Variants in ASB9 observed in about 807,000 individuals in gnomAD.
ASB9 encodes the protein ankyrin repeat and SOCS box containing 9.
ASB9 carries 5 observed loss-of-function variants against 16.6 expected under a neutral mutation model. The observed-to-expected ratio is 0.30, with a 90% CI of 0.16 to 0.63. ASB9 has a LOEUF of 0.63. Ranked by LOEUF, ASB9 falls within the 30% of genes least tolerant of loss-of-function variation. The pLI is 0.82. For synonymous variants in ASB9, 100 were observed against 86.4 expected, an observed-to-expected ratio of 1.16 and a Z score of -0.87; for missense variants, 216 against 229.4, an observed-to-expected ratio of 0.94 and a Z score of 0.38.
chrX:15,255,482 T>C (rs757900420), intron 2 of ASB9, among the ~76,000 whole-genome samples: 1 of 111,371 alleles, frequency 9.0e-6, no homozygotes, highest in Admixed American at 9.5e-5. Context: ...AGGGACAGGA[T>C]TGTGTTCTAG....
upstream of ASB9, chrX:15,270,365 T>C (rs1926884153): frequency 8.9e-6 from 1 of 112,876 alleles, no homozygotes; most frequent in African/African-American, 3.2e-5. Context: ...TAGCTTGTTA[T>C]GGAGACAAGC....
At chrX:15,263,831 A>G (rs774941538) in intron 1 of ASB9, among the ~76,000 whole-genome samples, 2 of 111,966 alleles carry the variant, frequency 1.8e-5, no homozygotes, top group Non-Finnish European at 3.8e-5. Flanking sequence ...AAGGATAGAA[A>G]TATCTCTACA....
At chrX:15,247,444 G>C (rs977126019) in intron 6 of ASB9, among the ~76,000 whole-genome samples, 1 of 112,013 alleles carries the variant, frequency 8.9e-6, no homozygotes, top group Admixed American at 9.4e-5. Flanking sequence ...TTGTTTGATG[G>C]AGGAGGGGAC....
intron 1 of ASB9, among the ~76,000 whole-genome samples, chrX:15,266,824 T>G (rs1489729558): frequency 9.3e-6 from 1 of 108,095 alleles, no homozygotes; most frequent in African/African-American, 3.4e-5. Context: ...TAGTCCCAGC[T>G]ACTCAGGAGG....
chrX:15,252,442 G>A, intron 3 of ASB9, 38 bp from the exon 4 acceptor site: 1 of 1,158,071 alleles, frequency 8.6e-7, no homozygotes, highest in East Asian at 3.1e-5. Flanking sequence ...CAGGAAGGGG[G>A]ATGTTTTGGG....
At chrX:15,270,081 TACACACAC>T (rs370190376) in exon 1 of ASB9, 894 of 294,532 alleles carry the variant, frequency 3.0e-3, 13 homozygotes, top group African/African-American at 0.024. Context: ...TGCGCTCGTG[TACACACAC>T]ACACACACAC....
chrX:15,257,415 T>A (rs1463971545), intron 2 of ASB9, among the ~76,000 whole-genome samples: 4 of 109,926 alleles, frequency 3.6e-5, no homozygotes, highest in Non-Finnish European at 5.7e-5. Flanking sequence ...AAAAAAATAA[T>A]AATAATAATA....
rs1602173127 is a variant in ASB9, at chrX:15,270,015, G to C, written c.-141C>G. On this transcript the variant is annotated 5_prime_UTR_variant, in exon 1 of 7. Transcript: ENST00000380488. ...ACACGTTCTGGTCAAATGGTCTGCA[G>C]CAAAGCACAGAGCAGGCAGGGTAAT... 2.2e-5 allele frequency: 10 copies of C among 448,959 alleles called. No homozygotes were observed. The East Asian group carries it at 4.0e-4, about 18-fold the overall frequency. The allele number at this position is 448,959 out of a possible 1,213,427, so 37.0% of individuals were successfully genotyped here. A position where few individuals can be genotyped will look rare whatever the true frequency, so the allele number is the denominator to read the frequency against.
At chrX:15,257,434 G>A (rs1254401331) in intron 2 of ASB9, among the ~76,000 whole-genome samples, 2 of 110,223 alleles carry the variant, frequency 1.8e-5, no homozygotes, top group Admixed American at 9.7e-5. Flanking sequence ...TAATAATAAT[G>A]ATAAAAATAA....
intron 6 of ASB9, among the ~76,000 whole-genome samples, chrX:15,247,429 T>C (rs963073963): frequency 4.5e-5 from 5 of 111,887 alleles, no homozygotes; most frequent in African/African-American, 1.6e-4. Flanking sequence ...GAGAATGCTA[T>C]GAGGTTGTTT....
intron 1 of ASB9, among the ~76,000 whole-genome samples, chrX:15,264,350 T>G (rs1002642347): frequency 2.7e-5 from 3 of 111,751 alleles, no homozygotes; most frequent in African/African-American, 9.8e-5. Flanking sequence ...TAAGGTCACA[T>G]TCTGAGGCAC....
intron 1 of ASB9, among the ~76,000 whole-genome samples, chrX:15,260,499 C>T (rs940130403): frequency 8.9e-6 from 1 of 112,420 alleles, no homozygotes; most frequent in African/African-American, 3.2e-5. Flanking sequence ...CCATTAAATG[C>T]TTTCCTCTCT....
Position 15,244,571 on chromosome X carries a change from G to T in ASB9, c.820C>A (p.Gln274Lys), listed in dbSNP as rs776007989. The T allele has an allele frequency of 1.7e-6, 2 of 1,195,899 alleles. No individual in the cohort carries two copies. Among genetic ancestry groups the T allele is most frequent in the Admixed American group, 4.4e-5 (2 of 45,459 alleles). The change falls in exon 7 of 7, where the codon CAG (glutamine) becomes AAG (lysine). Residue 274 changes from glutamine to lysine, a missense_variant. By Grantham distance (53) the Gln-to-Lys change is moderately conservative (BLOSUM62 1). Transcript: ENST00000380488. ...LRIRKCFGIQ[Q>K]HHKITKLVLP... ...ACGAGTTTGGTTATCTTATGATGCT[G>T]CTGGATTCCAAAACACTTCCGAATT...
chrX:15,268,338 A>AACAAAG (rs200092173), intron 1 of ASB9, among the ~76,000 whole-genome samples: 1 of 106,168 alleles, frequency 9.4e-6, no homozygotes, highest in Non-Finnish European at 2.0e-5. Context: ...TCTCAAAAAA[A>AACAAAG]CAAAACAAAA....
At position 15,270,082 on chromosome X, in the gene ASB9, A is replaced by T; in HGVS notation, c.-208T>A. 1 of 82,492 alleles carries T rather than the reference A, an allele frequency of 1.2e-5. No homozygotes were observed. The highest frequency in any genetic ancestry group is 4.4e-4 in the South Asian group (1 of 2,280). 6.8% of individuals were successfully genotyped at this position (82,492 alleles called of 1,213,427 possible). On this transcript the variant is annotated 5_prime_UTR_variant, in exon 1 of 7. Coordinates refer to ENST00000380488, the MANE Select transcript of ASB9 (RefSeq NM_001031739.3). Reference sequence around the variant, plus strand: ...ATCAGAGAGAGGCATGCGCTCGTGTACACACACACACACACACACACACAC... The same window carrying T: ...ATCAGAGAGAGGCATGCGCTCGTGTTCACACACACACACACACACACACAC...
chrX:15,256,677 T>C (rs1182372635), intron 2 of ASB9, among the ~76,000 whole-genome samples: 2 of 97,433 alleles, frequency 2.1e-5, no homozygotes, highest in East Asian at 6.6e-4. Flanking sequence ...CTCGGGAGGC[T>C]GAGGCAGGAG....
chrX:15,266,801 T>C (rs1363942881), intron 1 of ASB9, among the ~76,000 whole-genome samples: 1 of 108,786 alleles, frequency 9.2e-6, no homozygotes, highest in African/African-American at 3.4e-5. Flanking sequence ...CCGGGCGTGG[T>C]GGCGGGCGCC....
intron 3 of ASB9, among the ~76,000 whole-genome samples, chrX:15,253,623 A>G (rs925670427): frequency 8.9e-6 from 1 of 111,832 alleles, no homozygotes; most frequent in Non-Finnish European, 1.9e-5. Flanking sequence ...ATAAAAACAT[A>G]AAAACTGGTT....
chrX:15,247,986 T>G (rs73189523), intron 6 of ASB9, among the ~76,000 whole-genome samples: 2,954 of 112,299 alleles, frequency 0.026, 41 homozygotes, highest in Non-Finnish European at 0.042. Context: ...TCAGAATCCT[T>G]CTGGTAGGAA....
Sources: allele counts gnomAD v4.1 joint callset (sites outside exome capture counted in the v4.1 genomes callset), GRCh38; gene constraint gnomAD v4.1.1; transcripts MANE v1.5; gene names NCBI Gene and HGNC (gene_info 2026-07-23, HGNC 2026-07-21).